EAPP: variants seen among roughly 807,000 people sequenced by gnomAD.
EAPP encodes E2F-associated phosphoprotein.
Under a neutral mutation model 34.3 loss-of-function variants are expected in EAPP, and 38 were observed. That is an observed-to-expected ratio of 1.11 (90% confidence interval 0.85 to 1.45). EAPP has a LOEUF of 1.45. EAPP is among the 40% of genes most tolerant of loss of function. EAPP has a pLI of 0.00. For synonymous variants in EAPP, 113 were observed against 117.6 expected (o/e 0.96, Z 0.25); for missense variants, 338 against 343.7 (o/e 0.98, Z 0.13).
chr14:34,525,266 G>A (rs1880058186), intron 4 of EAPP, among the ~76,000 whole-genome samples: 1 of 152,178 alleles, frequency 6.6e-6, no homozygotes, highest in African/African-American at 2.4e-5. Flanking sequence ...AGTCTGGGTT[G>A]GACACAGTGA....
At position 34,516,182 on chromosome 14, in the gene EAPP, T is replaced by C; in HGVS notation, c.*128A>G. On this transcript the variant is annotated 3_prime_UTR_variant, in exon 6 of 6. Coordinates refer to ENST00000250454, the MANE Select transcript of EAPP (RefSeq NM_018453.4). ...TAAGAGATGAATGAAGGTTGACAAC[T>C]ATTCTCCTTTAAAAAGAGAAACACT... is the stretch of plus-strand genomic sequence containing the variant. 2.2e-6 allele frequency: 2 copies of C among 891,182 alleles called. No homozygotes were observed. The highest frequency in any genetic ancestry group is 3.8e-5 in the South Asian group (2 of 52,054). The allele number at this position is 891,182 out of a possible 1,614,324, so 55.2% of individuals were successfully genotyped here.
At chr14:34,520,541 C>T (rs1391179273) in intron 5 of EAPP, among the ~76,000 whole-genome samples, 2 of 150,682 alleles carry the variant, frequency 1.3e-5, no homozygotes, top group Non-Finnish European at 3.0e-5. Context: ...TCACTCTGTC[C>T]CCCAGGCTGG....
At chr14:34,534,417 CCA>C (rs887657655) in intron 2 of EAPP, among the ~76,000 whole-genome samples, 19 of 152,270 alleles carry the variant, frequency 1.2e-4, no homozygotes, top group African/African-American at 3.4e-4. Flanking sequence ...CAGGCGTGAG[CCA>C]CTGCACCCGG....
At chr14:34,523,775 C>T (rs996305033) in intron 5 of EAPP, among the ~76,000 whole-genome samples, 5 of 152,052 alleles carry the variant, frequency 3.3e-5, no homozygotes, top group Non-Finnish European at 5.9e-5. Flanking sequence ...AACTCCTAGG[C>T]TCAAGTGATC....
intron 4 of EAPP, 77 bp downstream of exon 4, chr14:34,529,281 T>G: frequency 1.8e-6 from 2 of 1,122,096 alleles, no homozygotes; most frequent in East Asian, 4.8e-5. Context: ...ACACATATAT[T>G]CAAAATGTGA....
At chr14:34,535,662 G>C (rs916152463) in intron 2 of EAPP, among the ~76,000 whole-genome samples, 2 of 149,692 alleles carry the variant, frequency 1.3e-5, no homozygotes, top group Non-Finnish European at 3.0e-5. Flanking sequence ...TCAATCTCCT[G>C]ACCTCGTGAT....
At chr14:34,527,836 A>C (rs905074587) in intron 4 of EAPP, among the ~76,000 whole-genome samples, 1 of 152,170 alleles carries the variant, frequency 6.6e-6, no homozygotes, top group South Asian at 2.1e-4. Flanking sequence ...CTAACAGTAC[A>C]GCGTTTCCTT....
At position 34,527,395 on chromosome 14, in the gene EAPP, G is replaced by A. The variant is rs536235782; in HGVS notation, c.470+1963C>T. ...GGAGGAGTGCTTGAACCCGGGAGGC[G>A]GTGTGTGCCTACAGTCACAGCTACT... On this transcript the variant is annotated intron_variant, in intron 4 of 5. Coordinates refer to ENST00000250454, the MANE Select transcript of EAPP (RefSeq NM_018453.4). Among the ~76,000 whole-genome samples, 16 of 152,058 alleles carry A rather than the reference G, an allele frequency of 1.1e-4. No homozygotes were observed. In the South Asian group the frequency reaches 2.9e-3, roughly 28 times the overall value.
intron 2 of EAPP, among the ~76,000 whole-genome samples, chr14:34,533,893 T>C (rs1384119546): frequency 1.3e-5 from 2 of 152,020 alleles, no homozygotes; most frequent in East Asian, 1.9e-4. Context: ...TAAGAAACAT[T>C]AGGAGAAAAA....
chr14:34,527,699 C>T (rs975132488), intron 4 of EAPP, among the ~76,000 whole-genome samples: 4 of 152,066 alleles, frequency 2.6e-5, no homozygotes, highest in African/African-American at 9.7e-5. Flanking sequence ...TGAAAGAAGC[C>T]AGATATAAAA....
At chr14:34,521,797 G>A (rs1809379436) in intron 5 of EAPP, among the ~76,000 whole-genome samples, 1 of 151,754 alleles carries the variant, frequency 6.6e-6, no homozygotes, top group Non-Finnish European at 1.5e-5. Flanking sequence ...ACCACGCCCA[G>A]CTAATTTTTT....
At chr14:34,531,453 T>A (rs573347646) in intron 3 of EAPP, among the ~76,000 whole-genome samples, 2 of 149,908 alleles carry the variant, frequency 1.3e-5, no homozygotes, top group South Asian at 4.3e-4. Flanking sequence ...ATGCAAAAAT[T>A]TAGCCGGGCG....
At chr14:34,516,624 T>C (rs749239409) in intron 5 of EAPP, 38 bp from the exon 6 acceptor site, 2 of 1,565,502 alleles carry the variant, frequency 1.3e-6, no homozygotes, top group Non-Finnish European at 1.7e-6. Flanking sequence ...GGGTTTATGT[T>C]CTATGTTAAT....
In EAPP at chr14:34,533,437, T is replaced by G; in HGVS notation, c.352+7A>C. The G allele has an allele frequency of 6.2e-7, 1 of 1,600,876 alleles. No homozygotes were observed. The highest frequency in any genetic ancestry group is 8.6e-7 in the Non-Finnish European group (1 of 1,168,422). ...TAACTGCTAAACCTGGTAAATAGGT[T>G]ACTTACCTGCTCTGTCTTCATCCTC... On this transcript the variant is annotated splice_region_variant and intron_variant, in intron 3 of 5. Transcript: ENST00000250454.
At position 34,524,681 on chromosome 14, in the gene EAPP, G is replaced by GTC. The variant is rs1566446654; in HGVS notation, c.581+14_581+15dup. The GTC allele has an allele frequency of 1.4e-6, 2 of 1,451,268 alleles. No homozygotes were observed. Among genetic ancestry groups the GTC allele is most frequent in the Non-Finnish European group, 1.9e-6 (2 of 1,031,680 alleles). 89.9% of individuals were successfully genotyped at this position (1,451,268 alleles called of 1,614,324 possible). A position where few individuals can be genotyped will look rare whatever the true frequency, so the allele number is the denominator to read the frequency against. On this transcript the variant is annotated intron_variant, in intron 5 of 5. Transcript: ENST00000250454. The stretch of plus-strand genomic sequence containing the variant: ...TATGTGTGTGTGTGTGTGTGTGTGT[G>GTC]TCCTTCATCCATTACCTTTGGCAAT...
chr14:34,519,440 CAGG>C (rs1879840991), intron 5 of EAPP, among the ~76,000 whole-genome samples: 1 of 151,566 alleles, frequency 6.6e-6, no homozygotes, highest in Non-Finnish European at 1.5e-5. Context: ...GAGACTGAGA[CAGG>C]AGAATTGCGT....
At chr14:34,537,845 C>T (rs1030563271) in intron 1 of EAPP, among the ~76,000 whole-genome samples, 12 of 152,164 alleles carry the variant, frequency 7.9e-5, no homozygotes, top group African/African-American at 2.2e-4. Context: ...CTCATGTCTT[C>T]GGTCAGCTAC....
At chr14:34,523,268 C>T (rs1382254821) in intron 5 of EAPP, among the ~76,000 whole-genome samples, 2 of 146,408 alleles carry the variant, frequency 1.4e-5, no homozygotes, top group Non-Finnish European at 3.0e-5. Context: ...GACGGAGTCT[C>T]GCTCTGTTGC....
Position 34,516,539 on chromosome 14 carries a change from C to T in EAPP, c.629G>A (p.Cys210Tyr), listed in dbSNP as rs760947629. 5.0e-6 allele frequency: 8 copies of T among 1,613,834 alleles called. No individual in the cohort carries two copies. The highest frequency in any genetic ancestry group is 6.8e-6 in the Non-Finnish European group (8 of 1,179,962). The change falls in exon 6 of 6, where the codon TGT (cysteine) becomes TAT (tyrosine). Residue 210 changes from cysteine (C) to tyrosine (Y), a missense_variant. Cys to Tyr is a radical substitution (Grantham distance 194). Transcript: ENST00000250454. ...TAGAACCTCCTCTTTGTTAATAGAA[C>T]AATTCATTACAAACATTGCTCTATA... Reference protein sequence around the residue: ...TQYRAMFVMNCSINKEEVLRY... With the variant: ...TQYRAMFVMNYSINKEEVLRY...
Sources: allele counts gnomAD v4.1 joint callset (sites outside exome capture counted in the v4.1 genomes callset), GRCh38; gene constraint gnomAD v4.1.1; transcripts MANE v1.5; gene names NCBI Gene and HGNC (gene_info 2026-07-23, HGNC 2026-07-21).